Variants in AKAP8L observed in about 807,000 individuals in gnomAD.
The protein encoded by AKAP8L is A-kinase anchoring protein 8 like.
A neutral mutation model predicts 77.5 loss-of-function variants in AKAP8L; 34 were observed. That is an observed-to-expected ratio of 0.44 (90% CI 0.33 to 0.58). The LOEUF (loss-of-function observed/expected upper bound fraction) is 0.58. AKAP8L is among the 20% of genes least tolerant of loss of function. The pLI is 0.02. For synonymous variants in AKAP8L, 342 were observed against 340.7 expected (o/e 1.00, Z -0.04); for missense variants, 806 against 887.6 (o/e 0.91, Z 1.17).
At position 15,397,239 on chromosome 19, in the gene AKAP8L, G is replaced by C; in HGVS notation, c.1447C>G (p.His483Asp). The change falls in exon 12 of 14, where the codon CAT becomes GAT. Residue 483 changes from histidine to aspartate, a missense_variant. His to Asp is a moderately conservative substitution (Grantham distance 81). Coordinates refer to ENST00000397410, the MANE Select transcript of AKAP8L (RefSeq NM_014371.4). The surrounding 1 kb of genome is among the most constrained non-coding windows in gnomAD (Gnocchi z 4.7). Reference sequence around the variant, plus strand: ...ATGAAGAGGTCGCAGGCTGCACAATGGGCTGCCTCCACCTTCTTCACAAAA... The same window carrying C: ...ATGAAGAGGTCGCAGGCTGCACAATCGGCTGCCTCCACCTTCTTCACAAAA... ...EHFVKKVEAA[H>D]CAACDLFIPM... 6.2e-7 allele frequency: 1 copy of C among 1,613,986 alleles called. No homozygotes were observed. Among genetic ancestry groups the C allele is most frequent in the Non-Finnish European group, 8.5e-7 (1 of 1,179,898 alleles).
intron 12 of AKAP8L, among the ~76,000 whole-genome samples, chr19:15,386,726 T>C (rs1297341958): frequency 6.6e-6 from 1 of 152,190 alleles, no homozygotes; most frequent in East Asian, 1.9e-4. Context: ...TGGCGTGATA[T>C]CGGCTCACTG....
In AKAP8L at chr19:15,397,906, A is replaced by G. The variant is rs1000725278; in HGVS notation, c.1158-51T>C. The G allele has an allele frequency of 1.3e-6, 2 of 1,589,042 alleles. No individual in the cohort carries two copies. Among genetic ancestry groups the G allele is most frequent in the African/African-American group, 2.7e-5 (2 of 74,370 alleles). On this transcript the variant is annotated intron_variant, in intron 9 of 13. Transcript: ENST00000397410. The surrounding 1 kb of genome is among the most constrained non-coding windows in gnomAD (Gnocchi z 4.7). Reference sequence around the variant, plus strand: ...TGAGGCTGCAAGTGTCCCAGGGGATAGTGCTGCCGCCTCACCCAACCCAGA... The same window carrying G: ...TGAGGCTGCAAGTGTCCCAGGGGATGGTGCTGCCGCCTCACCCAACCCAGA...
intron 12 of AKAP8L, among the ~76,000 whole-genome samples, chr19:15,395,217 T>TA (rs1967744749): frequency 6.6e-6 from 1 of 152,144 alleles, no homozygotes; most frequent in South Asian, 2.1e-4. Flanking sequence ...GTATTTTTAG[T>TA]AGAGACGGGT....
chr19:15,397,518 AC>A lies in AKAP8L; in HGVS notation c.1405+1del. ...GTGGGAGTGGGCTGAAAATCTCCTC[AC>A]CCTGGGTCAGATCCTGGTCTCTGTA... On this transcript the variant is annotated splice_donor_variant, in intron 11 of 13. Transcript: ENST00000397410. LOFTEE classifies it high-confidence loss of function. This position sits in a 1 kb window ranked among gnomAD's most constrained non-coding sequence, Gnocchi z 4.7. The A allele has an allele frequency of 6.2e-7, 1 of 1,611,454 alleles. No homozygotes were observed. The highest frequency in any genetic ancestry group is 2.2e-5 in the East Asian group (1 of 44,844).
At position 15,399,892 on chromosome 19, in the gene AKAP8L, C is replaced by A; in HGVS notation, c.1048+403G>T. The A allele has an allele frequency of 6.0e-6, 2 of 330,886 alleles. No homozygotes were observed. Among genetic ancestry groups the A allele is most frequent in the Non-Finnish European group, 1.1e-5 (2 of 176,158 alleles). The allele number at this position is 330,886 out of a possible 1,614,324, so 20.5% of individuals were successfully genotyped here. Reference sequence around the variant, plus strand: ...AATCCCAACAGGGGCTGGAGAGGTGCTAAGGGAGAGGATACGCACACCAGA... The same window carrying A: ...AATCCCAACAGGGGCTGGAGAGGTGATAAGGGAGAGGATACGCACACCAGA... On this transcript the variant is annotated intron_variant, in intron 8 of 13. Transcript: ENST00000397410. This position sits in a 1 kb window ranked among gnomAD's most constrained non-coding sequence, Gnocchi z 6.1.
chr19:15,381,702 A>G (rs1021875802), intron 12 of AKAP8L, among the ~76,000 whole-genome samples: 1 of 152,084 alleles, frequency 6.6e-6, no homozygotes, highest in Non-Finnish European at 1.5e-5. Flanking sequence ...TAAACTAAAG[A>G]TACACAATTA....
chr19:15,410,765 GA>G (rs1968092099), intron 1 of AKAP8L, among the ~76,000 whole-genome samples, 171 bp from the exon 2 acceptor site: 1 of 152,164 alleles, frequency 6.6e-6, no homozygotes, highest in Non-Finnish European at 1.5e-5. Flanking sequence ...TTACCCAATG[GA>G]AAGGCAGGCT....
At chr19:15,384,185 C>T (rs1240456930) in intron 12 of AKAP8L, among the ~76,000 whole-genome samples, 2 of 151,896 alleles carry the variant, frequency 1.3e-5, no homozygotes, top group African/African-American at 2.4e-5. Context: ...CCTGCCTCCG[C>T]CTCCCAAAGT....
rs2145131486 is a variant in AKAP8L, at chr19:15,400,316, C to T, written c.1027G>A (p.Gly343Ser). 8 of 1,613,864 alleles carry T rather than the reference C, an allele frequency of 5.0e-6. No homozygotes were observed. Among genetic ancestry groups the T allele is most frequent in the Admixed American group, 1.7e-5 (1 of 60,022 alleles). Residue 343 changes from glycine (G) to serine (S), a missense_variant, in exon 8 of 14, where the codon GGC becomes AGC. Gly to Ser is a moderately conservative substitution (Grantham distance 56). Transcript: ENST00000397410. ...EEGKEDGREE[G>S]KEDPEKGALT... The stretch of plus-strand genomic sequence containing the variant: ...TCACCCTTCTCTGGATCCTCTTTGC[C>T]TTCTTCTCTCCCATCCTCTTTTCCC...
chr19:15,415,366 G>C (rs577056208), intron 1 of AKAP8L, among the ~76,000 whole-genome samples: 1 of 152,064 alleles, frequency 6.6e-6, no homozygotes, highest in Admixed American at 6.6e-5. Flanking sequence ...ACAGGAGGGC[G>C]AGGCTGCAGT....
At position 15,397,352 on chromosome 19, in the gene AKAP8L, C is replaced by A. The variant is rs977123450; in HGVS notation, c.1406-72G>T. On this transcript the variant is annotated intron_variant, in intron 11 of 13. Transcript: ENST00000397410. The surrounding 1 kb of genome is among the most constrained non-coding windows in gnomAD (Gnocchi z 4.7). ...TAGACCCAGGTGTTCGAGAAAAAAACCACACCAGCTCCTCCTCAACTCGCC... is the reference window on the plus strand; with the variant it reads ...TAGACCCAGGTGTTCGAGAAAAAAAACACACCAGCTCCTCCTCAACTCGCC... 1.9e-6 allele frequency: 3 copies of A among 1,578,764 alleles called. No individual in the cohort carries two copies. Among genetic ancestry groups the A allele is most frequent in the Non-Finnish European group, 2.6e-6 (3 of 1,156,726 alleles).
At chr19:15,402,829 T>C (rs1053836649) in intron 4 of AKAP8L, among the ~76,000 whole-genome samples, 1 of 152,232 alleles carries the variant, frequency 6.6e-6, no homozygotes, top group Non-Finnish European at 1.5e-5. Flanking sequence ...GCCCACAGCA[T>C]GATGCTTTGG....
At chr19:15,408,177 G>A (rs1968036848) in intron 2 of AKAP8L, among the ~76,000 whole-genome samples, 1 of 151,988 alleles carries the variant, frequency 6.6e-6, no homozygotes, top group African/African-American at 2.4e-5. Context: ...TAGATGTACA[G>A]ACCAATGGAA....
At chr19:15,389,628 G>A (rs186800749) in intron 12 of AKAP8L, among the ~76,000 whole-genome samples, 63 of 152,242 alleles carry the variant, frequency 4.1e-4, no homozygotes, top group African/African-American at 1.5e-3. Flanking sequence ...AAAATTAGCC[G>A]GGCATGGTGG....
intron 12 of AKAP8L, among the ~76,000 whole-genome samples, chr19:15,393,238 T>G (rs180743913): frequency 1.1e-4 from 17 of 152,320 alleles, no homozygotes; most frequent in Admixed American, 9.2e-4. Context: ...CATAAAATTC[T>G]TAGAAGAAAA....
intron 2 of AKAP8L, among the ~76,000 whole-genome samples, chr19:15,405,351 T>C (rs565039492): frequency 5.9e-5 from 9 of 152,014 alleles, no homozygotes; most frequent in Non-Finnish European, 1.3e-4. Flanking sequence ...CTGGCCAACA[T>C]GGTGAAACCC....
intron 2 of AKAP8L, 82 bp from the exon 3 acceptor site, chr19:15,404,124 G>C (rs1035018805): frequency 4.1e-6 from 6 of 1,451,332 alleles, no homozygotes; most frequent in Non-Finnish European, 5.8e-6. Flanking sequence ...TTATTCCCAG[G>C]ACCTGACTGG....
At chr19:15,393,045 C>T (rs1967697000) in intron 12 of AKAP8L, among the ~76,000 whole-genome samples, 1 of 152,016 alleles carries the variant, frequency 6.6e-6, no homozygotes, top group African/African-American at 2.4e-5. Context: ...CTATGGTCAA[C>T]TGACTTTCAA....
Position 15,401,404 on chromosome 19 carries a change from G to C in AKAP8L, c.562C>G (p.Arg188Gly), listed in dbSNP as rs534843065. Reference sequence around the variant, plus strand: ...CCTGAGGCCATTGGCCGGCCGCTCCGGGCATCCCGGGCCCAGCCCTGTGCC... The same window carrying C: ...CCTGAGGCCATTGGCCGGCCGCTCCCGGCATCCCGGGCCCAGCCCTGTGCC... Reference protein sequence around the residue: ...PRAQGWARDARSGRPMASGYG... With the variant: ...PRAQGWARDAGSGRPMASGYG... The change falls in exon 5 of 14, where the codon CGG becomes GGG. Residue 188 changes from arginine to glycine, a missense_variant. Transcript: ENST00000397410. The surrounding 1 kb of genome is among the most constrained non-coding windows in gnomAD (Gnocchi z 6.2). 6.2e-7 allele frequency: 1 copy of C among 1,613,238 alleles called. No homozygotes were observed. Among genetic ancestry groups the C allele is most frequent in the African/African-American group, 1.3e-5 (1 of 75,054 alleles).
Sources: allele counts gnomAD v4.1 joint callset (sites outside exome capture counted in the v4.1 genomes callset), GRCh38; gene constraint gnomAD v4.1.1; non-coding constraint Gnocchi (gnomAD v3.1); transcripts MANE v1.5; gene names NCBI Gene and HGNC (gene_info 2026-07-23, HGNC 2026-07-21).